The following NAALADL2 variants were observed in gnomAD, a reference collection of about 807,000 sequenced individuals.
NAALADL2 encodes the protein N-acetylated alpha-linked acidic dipeptidase like 2.
Under a neutral mutation model 87.2 loss-of-function variants are expected in NAALADL2, and 76 were observed. The ratio of observed to expected loss-of-function variants is 0.87; its 90% CI spans 0.72 to 1.05. The LOEUF (loss-of-function observed/expected upper bound fraction) is 1.05, where lower values mean the gene tolerates loss of function less well. Ranked by LOEUF, NAALADL2 falls within the 50% of genes least tolerant of loss-of-function variation. NAALADL2 has a pLI of 0.00. For missense variants in NAALADL2, 1,089 were observed against 945.8 expected, an observed-to-expected ratio of 1.15 and a Z score of -1.99; for synonymous variants, 354 against 331.0, an observed-to-expected ratio of 1.07 and a Z score of -0.75.
At chr3:174,600,217 G>A (rs56371603) in intron 2 of NAALADL2, among the ~76,000 whole-genome samples, 23,868 of 151,962 alleles carry the variant, frequency 0.16, 2,229 homozygotes, top group African/African-American at 0.24. Context: ...AGATAAAACC[G>A]ATAATATAGA....
chr3:175,072,120 T>C (rs1715762735), intron 1 of NAALADL2, among the ~76,000 whole-genome samples: 1 of 151,978 alleles, frequency 6.6e-6, no homozygotes, highest in Non-Finnish European at 1.5e-5. Flanking sequence ...CCATGGAGTC[T>C]TTACATTAGT....
intron 11 of NAALADL2, among the ~76,000 whole-genome samples, chr3:175,667,239 G>T (rs13066921): frequency 2.4e-5 from 2 of 82,062 alleles, no homozygotes; most frequent in African/African-American, 1.4e-4. Flanking sequence ...AAGAAAGAAA[G>T]AAAAAGAAAG....
chr3:174,575,111 T>C (rs527431436), intron 2 of NAALADL2, among the ~76,000 whole-genome samples: 49 of 152,236 alleles, frequency 3.2e-4, no homozygotes, highest in African/African-American at 1.2e-3. Flanking sequence ...AAAGTGATTG[T>C]ACCATTTTGG....
At chr3:175,596,951 A>G (rs1440624348) in intron 10 of NAALADL2, among the ~76,000 whole-genome samples, 1 of 151,996 alleles carries the variant, frequency 6.6e-6, no homozygotes, top group East Asian at 1.9e-4. Flanking sequence ...CTGCTAAGCT[A>G]ATTTAGAAGA....
chr3:175,736,868 G>T (rs1182197645), intron 11 of NAALADL2, among the ~76,000 whole-genome samples: 1 of 152,118 alleles, frequency 6.6e-6, no homozygotes, highest in Non-Finnish European at 1.5e-5. Flanking sequence ...TGGCCTGTAG[G>T]TTATCAAATA....
rs530126973 is a variant in NAALADL2, at chr3:175,378,101, A to T, written c.1090+53776A>T. Among the ~76,000 whole-genome samples, 77 of 152,080 alleles carry T rather than the reference A, an allele frequency of 5.1e-4. No individual in the cohort carries two copies. The South Asian group carries it at 1.0e-2, about 20-fold the overall frequency. On this transcript the variant is annotated intron_variant, in intron 5 of 13. Transcript: ENST00000454872. ...GGCAGAGCTAAAGGAGCACTGTAAC[A>T]CTCCCTCTGGGGCTTCAGGGGTCAC... is the stretch of plus-strand genomic sequence containing the variant.
chr3:174,590,182 C>G (rs887040696), intron 2 of NAALADL2, among the ~76,000 whole-genome samples: 2 of 151,400 alleles, frequency 1.3e-5, no homozygotes, highest in African/African-American at 4.9e-5. Context: ...TTTTTCTGTA[C>G]AGTTATATGC....
intron 2 of NAALADL2, among the ~76,000 whole-genome samples, chr3:175,126,954 G>A (rs915660900): frequency 2.7e-5 from 4 of 150,772 alleles, no homozygotes; most frequent in Non-Finnish European, 5.9e-5. Context: ...TATGAGTATC[G>A]ACTGTAGAAT....
chr3:175,737,923 A>T lies in NAALADL2; in HGVS notation c.1990+524A>T, dbSNP rs189349171. On this transcript the variant is annotated intron_variant, in intron 12 of 13. Coordinates refer to ENST00000454872, the MANE Select transcript of NAALADL2 (RefSeq NM_207015.3). ...TCTGAGTCTCTATTTCAATTCCTTC[A>T]TGTTTGAATATATCTCTCTCAGCAG... Among the ~76,000 whole-genome samples, 407 of 151,864 alleles carry T rather than the reference A, an allele frequency of 2.7e-3. 1 individual carries two copies. Among genetic ancestry groups the T allele is most frequent in the African/African-American group, 9.2e-3 (382 of 41,426 alleles).
intron 1 of NAALADL2, among the ~76,000 whole-genome samples, chr3:174,883,297 A>G (rs1041444194): frequency 2.6e-5 from 4 of 152,114 alleles, no homozygotes; most frequent in Non-Finnish European, 5.9e-5. Flanking sequence ...AGTCCACTCA[A>G]GTTGGCACTC....
At chr3:175,263,293 C>T (rs1404484030) in intron 4 of NAALADL2, among the ~76,000 whole-genome samples, 1 of 151,852 alleles carries the variant, frequency 6.6e-6, no homozygotes, top group Non-Finnish European at 1.5e-5. Flanking sequence ...AGACTTAAGA[C>T]TGTGTCATTA....
chr3:174,482,421 T>C (rs770224651), intron 1 of NAALADL2, among the ~76,000 whole-genome samples: 1 of 152,048 alleles, frequency 6.6e-6, no homozygotes, highest in Non-Finnish European at 1.5e-5. Flanking sequence ...ACTGAAAATA[T>C]TATGAATGCC....
At chr3:174,984,003 G>A (rs1346512906) in intron 1 of NAALADL2, among the ~76,000 whole-genome samples, 1 of 152,056 alleles carries the variant, frequency 6.6e-6, no homozygotes, top group Middle Eastern at 3.2e-3. Flanking sequence ...CCAACATTTA[G>A]TCTCAATTCT....
intron 1 of NAALADL2, among the ~76,000 whole-genome samples, chr3:175,010,375 A>G (rs1040362487): frequency 6.6e-5 from 10 of 152,158 alleles, no homozygotes; most frequent in African/African-American, 2.4e-4. Context: ...CTTAGAGAAC[A>G]TCACTTTCTA....
chr3:174,953,798 T>G (rs1334194526), intron 1 of NAALADL2, among the ~76,000 whole-genome samples: 2 of 152,034 alleles, frequency 1.3e-5, no homozygotes, highest in Non-Finnish European at 2.9e-5. Context: ...GCGTGACTAC[T>G]CCATATTTCT....
intron 1 of NAALADL2, among the ~76,000 whole-genome samples, chr3:174,969,947 CAT>C (rs1743398339): frequency 6.6e-6 from 1 of 152,154 alleles, no homozygotes; most frequent in African/African-American, 2.4e-5. Context: ...AAAAATATGT[CAT>C]GTGTCTTGGA....
chr3:175,246,827 T>C (rs1748074080), intron 3 of NAALADL2, among the ~76,000 whole-genome samples: 1 of 152,162 alleles, frequency 6.6e-6, no homozygotes, highest in Admixed American at 6.5e-5. Context: ...TAAAAATCTT[T>C]ACTATTGATG....
chr3:174,832,940 A>T (rs898469617), intron 3 of NAALADL2, among the ~76,000 whole-genome samples: 6 of 152,204 alleles, frequency 3.9e-5, no homozygotes, highest in Non-Finnish European at 1.5e-5. Context: ...AATGTATATT[A>T]GCATTTATAT....
intron 9 of NAALADL2, among the ~76,000 whole-genome samples, chr3:175,485,940 G>A (rs967761716): frequency 6.6e-6 from 1 of 152,154 alleles, no homozygotes; most frequent in Non-Finnish European, 1.5e-5. Context: ...ACAATGAAGT[G>A]ACAGCTATCT....
Sources: allele counts gnomAD v4.1 joint callset (sites outside exome capture counted in the v4.1 genomes callset), GRCh38; gene constraint gnomAD v4.1.1; transcripts MANE v1.5; gene names NCBI Gene and HGNC (gene_info 2026-07-23, HGNC 2026-07-21).